WAPL: variants seen among roughly 807,000 people sequenced by gnomAD.
The protein encoded by WAPL is WAPL cohesin release factor.
WAPL carries 5 observed loss-of-function variants against 121.0 expected under a neutral mutation model. The ratio of observed to expected loss-of-function variants is 0.04; its 90% CI spans 0.02 to 0.09. The LOEUF (loss-of-function observed/expected upper bound fraction) is 0.09, where lower values mean the gene tolerates loss of function less well. WAPL is among the 10% of genes least tolerant of loss of function. The pLI, the probability that WAPL is intolerant of heterozygous loss-of-function variation, is 1.00. For missense variants in WAPL, 999 were observed against 1,410.8 expected, an observed-to-expected ratio of 0.71 and a Z score of 4.68; for synonymous variants, 480 against 481.5, an observed-to-expected ratio of 1.00 and a Z score of 0.04.
chr10:86,509,036 C>G (rs756818518), intron 2 of WAPL, among the ~76,000 whole-genome samples: 1 of 152,220 alleles, frequency 6.6e-6, no homozygotes, highest in Non-Finnish European at 1.5e-5. Context: ...AGCCACCGCG[C>G]CCGGCCAGTA....
chr10:86,452,254 G>A (rs1841000383), intron 14 of WAPL, 123 bp from the exon 15 acceptor site: 4 of 885,252 alleles, frequency 4.5e-6, no homozygotes, highest in East Asian at 5.4e-5. Context: ...CCTACAAAAT[G>A]GCTAAAAACC....
intron 9 of WAPL, among the ~76,000 whole-genome samples, chr10:86,465,334 T>C (rs1053749280): frequency 2.2e-4 from 34 of 152,244 alleles, no homozygotes; most frequent in African/African-American, 7.0e-4. Flanking sequence ...GACTCCCAAG[T>C]AGCTGGGAAT....
chr10:86,463,628 T>C (rs779708026), intron 9 of WAPL, among the ~76,000 whole-genome samples: 5 of 152,244 alleles, frequency 3.3e-5, no homozygotes, highest in Non-Finnish European at 7.3e-5. Flanking sequence ...AGTTAAACTT[T>C]GGGAGCCAGT....
chr10:86,443,141 T>C (rs1351499330), intron 17 of WAPL, 134 bp downstream of exon 17: 3 of 577,198 alleles, frequency 5.2e-6, no homozygotes, highest in Non-Finnish European at 5.7e-6. Context: ...AATCAGCCAA[T>C]AGCCTTTGTG....
intron 2 of WAPL, among the ~76,000 whole-genome samples, chr10:86,512,674 TTC>T (rs1842488460): frequency 6.6e-6 from 1 of 152,220 alleles, no homozygotes; most frequent in South Asian, 2.1e-4. Flanking sequence ...AATCAGAAAT[TTC>T]TGTTTTCAAA....
At chr10:86,509,446 C>T (rs189876579) in intron 2 of WAPL, among the ~76,000 whole-genome samples, 3 of 152,306 alleles carry the variant, frequency 2.0e-5, no homozygotes, top group Admixed American at 1.3e-4. Flanking sequence ...GCCTTGCCTA[C>T]GTACCTGCAC....
intron 9 of WAPL, among the ~76,000 whole-genome samples, chr10:86,465,226 T>C (rs1477978051): frequency 1.3e-5 from 2 of 152,178 alleles, no homozygotes; most frequent in Non-Finnish European, 2.9e-5. Flanking sequence ...GTAGTCTTGC[T>C]CTGTTGCCCA....
chr10:86,515,366 A>T (rs1842535650), intron 2 of WAPL, among the ~76,000 whole-genome samples: 1 of 152,024 alleles, frequency 6.6e-6, no homozygotes, highest in Non-Finnish European at 1.5e-5. Flanking sequence ...GTAGGTGCTC[A>T]ATATGTTGAT....
chr10:86,448,812 G>A (rs1840900253), intron 15 of WAPL, among the ~76,000 whole-genome samples: 1 of 151,966 alleles, frequency 6.6e-6, no homozygotes, highest in African/African-American at 2.4e-5. Context: ...ACATAATTTT[G>A]CCATGTTGCC....
chr10:86,493,731 T>C (rs1006457551), intron 4 of WAPL, among the ~76,000 whole-genome samples: 1 of 151,900 alleles, frequency 6.6e-6, no homozygotes, highest in Non-Finnish European at 1.5e-5. Context: ...GCCAGGCACA[T>C]TGGCTCACGC....
In WAPL at chr10:86,508,654, T is replaced by C. The variant is rs187778094; in HGVS notation, c.500-7911A>G. 1.9e-3 allele frequency among the ~76,000 whole-genome samples: 295 copies of C among 152,240 alleles called. 1 individual carries two copies. Among genetic ancestry groups the C allele is most frequent in the Non-Finnish European group, 3.8e-3 (257 of 68,006 alleles). On this transcript the variant is annotated intron_variant, in intron 2 of 18. Coordinates refer to ENST00000298767, the MANE Select transcript of WAPL (RefSeq NM_015045.5). ...TGAAATACTTTTACATTGGCTTCTA[T>C]AATATATCACTTCTCTGGTTTCCCT...
intron 13 of WAPL, 110 bp downstream of exon 13, chr10:86,453,546 A>C: frequency 1.5e-6 from 2 of 1,334,752 alleles, no homozygotes; most frequent in Non-Finnish European, 2.0e-6. Context: ...AGTCAAGTAC[A>C]TTATGACAAA....
At chr10:86,449,303 C>A (rs915707303) in intron 15 of WAPL, among the ~76,000 whole-genome samples, 3 of 152,146 alleles carry the variant, frequency 2.0e-5, no homozygotes, top group Non-Finnish European at 2.9e-5. Context: ...GAATTAAGAG[C>A]CATTTCTTGA....
At chr10:86,511,873 A>G (rs1399071938) in intron 2 of WAPL, among the ~76,000 whole-genome samples, 2 of 152,142 alleles carry the variant, frequency 1.3e-5, no homozygotes, top group African/African-American at 2.4e-5. Flanking sequence ...AGAACCTGTG[A>G]TAAGCCATGC....
intron 1 of WAPL, 72 bp downstream of exon 1, chr10:86,521,293 G>C (rs1364110210): frequency 4.1e-6 from 1 of 241,498 alleles, no homozygotes; most frequent in Non-Finnish European, 8.2e-6. Context: ...TCCACCGCCC[G>C]CTCCCAGCCT....
chr10:86,453,301 A>G lies in WAPL; in HGVS notation c.2868T>C (p.Gly956=). The change falls in exon 14 of 19, where the codon GGT becomes GGC. Residue 956 remains glycine, a synonymous_variant. Coordinates refer to ENST00000298767, the MANE Select transcript of WAPL (RefSeq NM_015045.5). ...CACAGTTCAGCGCTGTGCCTATGAG[A>G]CCGTCCTGCTCTCCTGTTTTGGTGC... is the stretch of plus-strand genomic sequence containing the variant. The part of the protein sequence containing the change: ...WGSTKTGEQD[G]LIGTALNCVL... The G allele has an allele frequency of 6.2e-7, 1 of 1,614,120 alleles. No individual in the cohort carries two copies. The highest frequency in any genetic ancestry group is 8.5e-7 in the Non-Finnish European group (1 of 1,180,012).
At chr10:86,489,033 G>C (rs1483531960) in intron 4 of WAPL, among the ~76,000 whole-genome samples, 1 of 152,184 alleles carries the variant, frequency 6.6e-6, no homozygotes, top group Non-Finnish European at 1.5e-5. Flanking sequence ...GCAAGAAAAT[G>C]GCATCTCCTC....
rs1842590122 is a variant in WAPL at position 86,517,796 on chromosome 10, C to A, written c.274G>T (p.Val92Phe). 1 of 1,614,052 alleles carries A rather than the reference C, an allele frequency of 6.2e-7. No individual in the cohort carries two copies. Among genetic ancestry groups the A allele is most frequent in the African/African-American group, 1.3e-5 (1 of 74,918 alleles). Residue 92 changes from valine (V) to phenylalanine (F), a missense_variant, in exon 2 of 19, where the codon GTT becomes TTT. Transcript: ENST00000298767. ...GATTCTGAATAAGAGGAACACTTAACCTGGGCTAAATTCTTTGAAGAAACT... is the reference window on the plus strand; with the variant it reads ...GATTCTGAATAAGAGGAACACTTAAACTGGGCTAAATTCTTTGAAGAAACT... The part of the protein sequence containing the change: ...LPVSSKNLAQ[V>F]KCSSYSESSE...
intron 2 of WAPL, among the ~76,000 whole-genome samples, chr10:86,512,236 A>G (rs1347077281): frequency 6.6e-6 from 1 of 152,170 alleles, no homozygotes; most frequent in Non-Finnish European, 1.5e-5. Flanking sequence ...ATCTCCTGAC[A>G]ATACCATCCC....
Sources: allele counts gnomAD v4.1 joint callset (sites outside exome capture counted in the v4.1 genomes callset), GRCh38; gene constraint gnomAD v4.1.1; transcripts MANE v1.5; gene names NCBI Gene and HGNC (gene_info 2026-07-23, HGNC 2026-07-21).